The following BTBD10 variants were observed in gnomAD, a reference collection of about 807,000 sequenced individuals.
The protein encoded by BTBD10 is BTB/POZ domain-containing protein 10.
Under a neutral mutation model 53.2 loss-of-function variants are expected in BTBD10, and 21 were observed. The observed-to-expected ratio is 0.39, with a 90% CI of 0.28 to 0.57. The LOEUF is 0.57. BTBD10 is among the 20% of genes least tolerant of loss of function. The pLI is 0.53. For missense variants in BTBD10, 360 were observed against 594.7 expected (o/e 0.61, Z 4.10); for synonymous variants, 149 against 192.7 (o/e 0.77, Z 1.88).
chr11:13,406,560 T>TGAGAGAGA lies in BTBD10; in HGVS notation c.809-712_809-705dup, dbSNP rs72242186. Reference sequence around the variant, plus strand: ...CAACCATGGCAACCATACGCATGAGTGAGAGAGAGAGAGAGAGAGAGAGAG... The same window carrying TGAGAGAGA: ...CAACCATGGCAACCATACGCATGAGTGAGAGAGAGAGAGAGAGAGAGAGAGAGAGAGAG... On this transcript the variant is annotated intron_variant, in intron 6 of 8. Coordinates refer to ENST00000278174, the MANE Select transcript of BTBD10 (RefSeq NM_032320.7). 4.0e-3 allele frequency among the ~76,000 whole-genome samples: 562 copies of TGAGAGAGA among 141,434 alleles called. 6 individuals carry two copies. Among genetic ancestry groups the TGAGAGAGA allele is most frequent in the African/African-American group, 0.014 (521 of 38,116 alleles). 92.8% of individuals were successfully genotyped at this position (141,434 alleles called of 152,430 possible).
intron 5 of BTBD10, 104 bp downstream of exon 5, chr11:13,417,054 C>A: frequency 2.7e-6 from 2 of 737,990 alleles, no homozygotes; most frequent in Non-Finnish European, 4.3e-6. Context: ...AAACAATACC[C>A]TGGAATAACT....
At chr11:13,398,473 T>C (rs548558879) in intron 8 of BTBD10, among the ~76,000 whole-genome samples, 179 of 152,314 alleles carry the variant, frequency 1.2e-3, no homozygotes, top group African/African-American at 4.2e-3. Flanking sequence ...TACAGCACAC[T>C]GATGGGTCTT....
At chr11:13,390,752 AG>A (rs764686450) in intron 8 of BTBD10, among the ~76,000 whole-genome samples, 1 of 152,240 alleles carries the variant, frequency 6.6e-6, no homozygotes, top group Non-Finnish European at 1.5e-5. Context: ...CTCACATAGT[AG>A]GGGATCAATT....
At chr11:13,389,453 G>C (rs551061534) in intron 8 of BTBD10, among the ~76,000 whole-genome samples, 23 of 150,264 alleles carry the variant, frequency 1.5e-4, no homozygotes, top group African/African-American at 3.7e-4. Flanking sequence ...TTTTGACATG[G>C]AGTCTCACTT....
Position 13,390,453 on chromosome 11 carries a change from C to G in BTBD10, c.1118-1312G>C, listed in dbSNP as rs575529235. On this transcript the variant is annotated intron_variant, in intron 8 of 8. Transcript: ENST00000278174. ...CTGTCTTCCGGGTTCAAGAGATTCTCCTGCCTCAGCCTCTCGAGTAGCTGG... is the reference window on the plus strand; with the variant it reads ...CTGTCTTCCGGGTTCAAGAGATTCTGCTGCCTCAGCCTCTCGAGTAGCTGG... 3.9e-4 allele frequency among the ~76,000 whole-genome samples: 59 copies of G among 152,076 alleles called. 2 individuals carry two copies. In the South Asian group the frequency reaches 0.012, roughly 32 times the overall value.
intron 2 of BTBD10, among the ~76,000 whole-genome samples, chr11:13,437,984 T>C (rs766015081): frequency 6.6e-6 from 1 of 152,174 alleles, no homozygotes; most frequent in Non-Finnish European, 1.5e-5. Context: ...TATACTCATA[T>C]TGGCCTTCAT....
In BTBD10 at chr11:13,389,201, C is replaced by T. The variant is rs1021875357; in HGVS notation, c.1118-60G>A. 102 of 1,466,186 alleles carry T rather than the reference C, an allele frequency of 7.0e-5. 1 individual carries two copies. In the South Asian group the frequency reaches 1.0e-3, roughly 15 times the overall value. 90.8% of individuals were successfully genotyped at this position (1,466,186 alleles called of 1,614,324 possible). A position where few individuals can be genotyped will look rare whatever the true frequency, so the allele number is the denominator to read the frequency against. ...CACACACAGACCTCTCACCCAATTT[C>T]GCCTTAGAAAGCTTTTCTGCTATAG... On this transcript the variant is annotated intron_variant, in intron 8 of 8. Transcript: ENST00000278174.
intron 1 of BTBD10, among the ~76,000 whole-genome samples, chr11:13,454,792 T>C (rs1367303812): frequency 1.3e-5 from 2 of 152,160 alleles, no homozygotes; most frequent in African/African-American, 4.8e-5. Context: ...TATTGAGTAC[T>C]TAAGCACCTT....
intron 8 of BTBD10, among the ~76,000 whole-genome samples, chr11:13,394,811 C>T (rs531102017): frequency 8.6e-5 from 13 of 151,656 alleles, no homozygotes; most frequent in East Asian, 3.9e-4. Flanking sequence ...TTTGTCCTTG[C>T]GATAGTTTGC....
At chr11:13,399,631 TAG>T (rs774915097) in intron 8 of BTBD10, among the ~76,000 whole-genome samples, 26 of 152,194 alleles carry the variant, frequency 1.7e-4, no homozygotes, top group African/African-American at 3.1e-4. Context: ...CTCTGATTTT[TAG>T]AGTTTCCGGT....
At chr11:13,396,712 T>C (rs1053214768) in intron 8 of BTBD10, among the ~76,000 whole-genome samples, 15 of 152,190 alleles carry the variant, frequency 9.9e-5, no homozygotes, top group Non-Finnish European at 1.5e-4. Context: ...TGAGATACGT[T>C]CCATCAATAT....
intron 8 of BTBD10, among the ~76,000 whole-genome samples, chr11:13,389,995 A>G (rs1260264764): frequency 6.6e-6 from 1 of 152,108 alleles, no homozygotes; most frequent in East Asian, 1.9e-4. Flanking sequence ...TTACAGTCAC[A>G]TTCCCGAAGC....
chr11:13,427,451 G>A (rs895300391), intron 2 of BTBD10, among the ~76,000 whole-genome samples: 9 of 152,140 alleles, frequency 5.9e-5, no homozygotes, highest in Non-Finnish European at 1.2e-4. Flanking sequence ...ATGTTTCTCT[G>A]CCTCATGAGA....
intron 8 of BTBD10, among the ~76,000 whole-genome samples, chr11:13,400,829 A>G (rs1412853942): frequency 1.3e-5 from 2 of 152,220 alleles, no homozygotes; most frequent in African/African-American, 4.8e-5. Context: ...AATAGGGCAA[A>G]TCCAGAAGTG....
intron 6 of BTBD10, among the ~76,000 whole-genome samples, chr11:13,407,199 T>C (rs574966293): frequency 6.6e-5 from 10 of 152,172 alleles, no homozygotes; most frequent in Admixed American, 1.3e-4. Context: ...CTTTGCCAAC[T>C]CTTTCTCCTC....
intron 8 of BTBD10, among the ~76,000 whole-genome samples, chr11:13,400,632 C>T (rs574126735): frequency 1.4e-4 from 22 of 152,338 alleles, no homozygotes; most frequent in African/African-American, 3.6e-4. Flanking sequence ...CCATTTTCTG[C>T]GTCGCTCACG....
intron 1 of BTBD10, among the ~76,000 whole-genome samples, chr11:13,454,287 C>T (rs760885738): frequency 1.1e-4 from 17 of 152,130 alleles, no homozygotes; most frequent in Non-Finnish European, 1.9e-4. Flanking sequence ...ATTTCTAATG[C>T]TCTCAGGAAA....
intron 1 of BTBD10, among the ~76,000 whole-genome samples, chr11:13,448,087 A>T (rs1950782071): frequency 1.3e-5 from 2 of 152,120 alleles, no homozygotes; most frequent in Admixed American, 6.6e-5. Flanking sequence ...TATTTGTCGG[A>T]TTTCATTCAT....
intron 1 of BTBD10, among the ~76,000 whole-genome samples, chr11:13,449,572 C>T (rs1228621858): frequency 6.6e-6 from 1 of 152,090 alleles, no homozygotes; most frequent in African/African-American, 2.4e-5. Context: ...TGGCTTCATC[C>T]AGCCTACTAA....
Sources: allele counts gnomAD v4.1 joint callset (sites outside exome capture counted in the v4.1 genomes callset), GRCh38; gene constraint gnomAD v4.1.1; transcripts MANE v1.5; gene names NCBI Gene and HGNC (gene_info 2026-07-23, HGNC 2026-07-21).